Variants in SBF1 observed in about 807,000 individuals in gnomAD.
The protein encoded by SBF1 is SET binding factor 1.
In SBF1, 65 loss-of-function variants were observed where a neutral mutation model predicts 215.8. The observed-to-expected ratio is 0.30, with a 90% confidence interval of 0.25 to 0.37. The LOEUF is 0.37. Among genes scored for constraint, SBF1 ranks in the 10% least tolerant of loss-of-function variants. The pLI is 1.00. For missense variants in SBF1, 2,634 were observed against 2,667.8 expected (o/e 0.99, Z 0.28); for synonymous variants, 1,410 against 1,122.8 (o/e 1.26, Z -5.11).
At position 50,455,265 on chromosome 22, in the gene SBF1, A is replaced by C. The variant is rs1322288085; in HGVS notation, c.4513T>G (p.Phe1505Val). ...AHTLAGQSSG[F>V]TPVFLQFLDC... Reference sequence around the variant, plus strand: ...AGGAACTGCAGGAAGACGGGTGTGAAGCCGCTGCTCTGCCCGGCCAGGGTG... The same window carrying C: ...AGGAACTGCAGGAAGACGGGTGTGACGCCGCTGCTCTGCCCGGCCAGGGTG... The change falls in exon 33 of 41, where the codon TTC becomes GTC. Residue 1505 changes from phenylalanine (F) to valine (V), a missense_variant. Phe to Val is a conservative substitution (Grantham distance 50). Transcript: ENST00000380817. 5 of 1,613,202 alleles carry C rather than the reference A, an allele frequency of 3.1e-6. No individual in the cohort carries two copies. Among genetic ancestry groups the C allele is most frequent in the Non-Finnish European group, 4.2e-6 (5 of 1,179,798 alleles).
chr22:50,461,336 G>GA, intron 22 of SBF1, 50 bp from the exon 23 acceptor site: 1 of 1,555,362 alleles, frequency 6.4e-7, no homozygotes, highest in Non-Finnish European at 8.7e-7. Context: ...AGGGGGGGGG[G>GA]GTCCCAGAAT....
At chr22:50,453,939 C>A (rs371597585) in intron 36 of SBF1, among the ~76,000 whole-genome samples, 1 of 152,102 alleles carries the variant, frequency 6.6e-6, no homozygotes. Flanking sequence ...TAGCACCACG[C>A]GCAGGACACT....
At chr22:50,457,135 C>T in intron 28 of SBF1, 24 bp from the exon 29 acceptor site, 2 of 1,459,168 alleles carry the variant, frequency 1.4e-6, no homozygotes, top group Non-Finnish European at 1.8e-6. Flanking sequence ...AGAGAGAAGG[C>T]TCAGGCCTAG....
Position 50,466,237 on chromosome 22 carries a change from C to A in SBF1, c.810G>T (p.Leu270=). ...TGAGGACCTCCAGCAGCTGAGCCGG[C>A]AGGATGGGCACATAGGTGAAGCTGT... ...LRYSFTYVPI[L]PAQLLEVLST... Residue 270 remains leucine, a synonymous_variant, in exon 8 of 41, where the codon CTG becomes CTT. Coordinates refer to ENST00000380817, the MANE Select transcript of SBF1 (RefSeq NM_002972.4). 1.2e-6 allele frequency: 2 copies of A among 1,613,512 alleles called. No homozygotes were observed. Among genetic ancestry groups the A allele is most frequent in the Non-Finnish European group, 1.7e-6 (2 of 1,180,028 alleles).
At chr22:50,461,333 G>T (rs756408972) in intron 22 of SBF1, 47 bp from the exon 23 acceptor site, 5 of 1,564,918 alleles carry the variant, frequency 3.2e-6, no homozygotes, top group South Asian at 1.2e-5. Flanking sequence ...GTAAGGGGGG[G>T]GGGGTCCCAG....
chr22:50,455,737 A>G (rs1233772491), intron 31 of SBF1, 155 bp from the exon 32 acceptor site: 2 of 649,346 alleles, frequency 3.1e-6, no homozygotes, highest in Admixed American at 2.6e-5. Flanking sequence ...CTGGACAAAC[A>G]CAGCTCGCTC....
intron 26 of SBF1, 133 bp downstream of exon 26, chr22:50,459,819 G>T: frequency 7.5e-7 from 1 of 1,338,334 alleles, no homozygotes; most frequent in Non-Finnish European, 1.0e-6. Flanking sequence ...CAGCCCTGTG[G>T]CCCGTCCCTC....
At position 50,446,994 on chromosome 22, in the gene SBF1, G is replaced by GGGGCA. The variant is rs1366493786; in HGVS notation, c.*147_*148insTGCCC. The GGGGCA allele has an allele frequency of 5.3e-6, 4 of 759,184 alleles. No individual in the cohort carries two copies. Among genetic ancestry groups the GGGGCA allele is most frequent in the Admixed American group, 2.1e-5 (1 of 48,238 alleles). 47.0% of individuals were successfully genotyped at this position (759,184 alleles called of 1,614,324 possible). On this transcript the variant is annotated 3_prime_UTR_variant, in exon 41 of 41. Coordinates refer to ENST00000380817, the MANE Select transcript of SBF1 (RefSeq NM_002972.4). ...TAGGGCCGGCCGGGCGGGGCGGGGCGGGGACGGGGGCTGTACACACAAGTG... is the reference window on the plus strand; with the variant it reads ...TAGGGCCGGCCGGGCGGGGCGGGGCGGGGCAGGGACGGGGGCTGTACACACAAGTG...
chr22:50,456,963 A>G, intron 29 of SBF1, 71 bp downstream of exon 29: 2 of 1,236,556 alleles, frequency 1.6e-6, no homozygotes, highest in Non-Finnish European at 2.1e-6. Context: ...TGCCCGCAAT[A>G]ACTCAGTGCA....
At chr22:50,460,220 G>C in intron 25 of SBF1, 52 bp downstream of exon 25, 2 of 1,602,112 alleles carry the variant, frequency 1.2e-6, no homozygotes, top group Non-Finnish European at 1.7e-6. Context: ...GATCCTCCCT[G>C]GCCAATGTCA....
Position 50,460,709 on chromosome 22 carries a change from G to A in SBF1, c.2971C>T (p.Leu991=). 2 of 1,612,562 alleles carry A rather than the reference G, an allele frequency of 1.2e-6. No individual in the cohort carries two copies. The highest frequency in any genetic ancestry group is 1.7e-6 in the Non-Finnish European group (2 of 1,179,738). The part of the protein sequence containing the change: ...LQLRSCTFQL[L]KMAFDEEVGS... ...ACCTCCTCGTCAAAGGCCATTTTCA[G>A]CAGCTGTGTCAGTAAAAGCAGCCCT... Residue 991 remains leucine, a synonymous_variant, in exon 24 of 41, where the codon CTG becomes TTG. Transcript: ENST00000380817.
At chr22:50,462,170 C>T (rs1306588461) in intron 19 of SBF1, 35 bp downstream of exon 19, 2 of 1,607,340 alleles carry the variant, frequency 1.2e-6, no homozygotes, top group East Asian at 2.2e-5. Context: ...CACGGCCCCG[C>T]CTCCACTGGG....
intron 29 of SBF1, 109 bp from the exon 30 acceptor site, chr22:50,456,782 G>T: frequency 9.9e-7 from 1 of 1,005,586 alleles, no homozygotes; most frequent in Non-Finnish European, 1.4e-6. Flanking sequence ...GGGCAGGGGT[G>T]GTTGGCAGGA....
Position 50,466,466 on chromosome 22 carries a change from C to T in SBF1, c.672G>A (p.Leu224=), listed in dbSNP as rs780676972. The T allele has an allele frequency of 1.3e-6, 2 of 1,549,472 alleles. No homozygotes were observed. The highest frequency in any genetic ancestry group is 8.7e-7 in the Non-Finnish European group (1 of 1,145,294). ...LFRQLGITNV[L]SLFCAALTEH... The stretch of plus-strand genomic sequence containing the variant: ...CCGTGAGGGCGGCACAGAACAAAGA[C>T]AGCACGTTGGTGATGCCTAAAGGAA... The change falls in exon 7 of 41, where the codon CTG becomes CTA. Residue 224 remains leucine (L), a synonymous_variant. Coordinates refer to ENST00000380817, the MANE Select transcript of SBF1 (RefSeq NM_002972.4).
intron 36 of SBF1, among the ~76,000 whole-genome samples, chr22:50,454,164 C>T (rs1035144910): frequency 2.0e-5 from 3 of 152,166 alleles, no homozygotes; most frequent in African/African-American, 4.8e-5. Context: ...AAAACACTGT[C>T]GTCTCTAAGG....
rs182572369 is a variant in SBF1 at position 50,470,922 on chromosome 22, G to T, written c.56-2461C>A. Among the ~76,000 whole-genome samples the T allele has an allele frequency of 4.2e-3, 643 of 152,290 alleles. 4 individuals carry two copies. The highest frequency in any genetic ancestry group is 0.02 in the Middle Eastern group (6 of 294). On this transcript the variant is annotated intron_variant, in intron 1 of 40. Transcript: ENST00000380817. The stretch of plus-strand genomic sequence containing the variant: ...CCTCACCCTTCTGAGGTCCCAGCCT[G>T]CACCTCAGCTCTGTGCTGTCCGGGG...
Position 50,459,407 on chromosome 22 carries a change from G to A in SBF1, c.3689-15C>T, listed in dbSNP as rs767522366. On this transcript the variant is annotated splice_polypyrimidine_tract_variant and intron_variant, in intron 27 of 40. Transcript: ENST00000380817. The stretch of plus-strand genomic sequence containing the variant: ...CTGGGACTGGCCTGGGGGAGGACAC[G>A]GAGCTGAGGGAGGGGAGGGTGAGAT... 31 of 1,611,742 alleles carry A rather than the reference G, an allele frequency of 1.9e-5. No homozygotes were observed. Among genetic ancestry groups the A allele is most frequent in the South Asian group, 5.5e-5 (5 of 91,052 alleles).
At chr22:50,463,899 G>A (rs1457255809) in intron 15 of SBF1, among the ~76,000 whole-genome samples, 2 of 152,216 alleles carry the variant, frequency 1.3e-5, no homozygotes, top group African/African-American at 4.8e-5. Context: ...CCCCAGAGGC[G>A]TTAAGTGAGC....
rs1422298951 is a variant in SBF1 at position 50,474,885 on chromosome 22, G to A, written c.-45C>T. Reference sequence around the variant, plus strand: ...CCCGAGGGGCGCGGGCGGGCTCCGCGGCTCGGGGACTCGAGGACGGCGCGC... The same window carrying A: ...CCCGAGGGGCGCGGGCGGGCTCCGCAGCTCGGGGACTCGAGGACGGCGCGC... On this transcript the variant is annotated 5_prime_UTR_variant, in exon 1 of 41. Transcript: ENST00000380817. The A allele has an allele frequency of 1.5e-6, 2 of 1,317,270 alleles. No homozygotes were observed. Among genetic ancestry groups the A allele is most frequent in the African/African-American group, 1.6e-5 (1 of 63,498 alleles). 81.6% of individuals were successfully genotyped at this position (1,317,270 alleles called of 1,614,324 possible). A position where few individuals can be genotyped will look rare whatever the true frequency, so the allele number is the denominator to read the frequency against.
Sources: gnomAD v4.1 joint callset for allele counts (sites outside exome capture counted in the v4.1 genomes callset) on GRCh38, gnomAD v4.1.1 for gene constraint, MANE v1.5 for transcripts, NCBI Gene and HGNC (gene_info 2026-07-23, HGNC 2026-07-21) for gene names.